The following EYS variants were observed in gnomAD, a reference collection of about 807,000 sequenced individuals.
EYS encodes protein eyes shut homolog.
EYS carries 250 observed loss-of-function variants against 282.1 expected under a neutral mutation model. The observed-to-expected ratio is 0.89, with a 90% confidence interval of 0.80 to 0.98. EYS has a LOEUF of 0.98. EYS is among the 50% of genes least tolerant of loss of function. The pLI is 0.00. For synonymous variants in EYS, 1,355 were observed against 1,282.9 expected (o/e 1.06, Z -1.20); for missense variants, 4,016 against 3,709.0 (o/e 1.08, Z -2.15).
chr6:64,457,466 A>C (rs1034825883), intron 26 of EYS, among the ~76,000 whole-genome samples: 2 of 152,096 alleles, frequency 1.3e-5, no homozygotes, highest in Middle Eastern at 3.4e-3. Context: ...GAGGCACTGA[A>C]ATTGCCTACT....
intron 35 of EYS, among the ~76,000 whole-genome samples, chr6:63,868,748 C>T (rs1772729130): frequency 6.6e-6 from 1 of 152,172 alleles, no homozygotes; most frequent in African/African-American, 2.4e-5. Context: ...TTTCACAACA[C>T]CATGATAAGA....
At chr6:65,654,166 C>T (rs975141705) in intron 1 of EYS, among the ~76,000 whole-genome samples, 2 of 151,794 alleles carry the variant, frequency 1.3e-5, no homozygotes, top group African/African-American at 4.8e-5. Flanking sequence ...TTTATTAGTT[C>T]TCAAAACAAT....
At chr6:64,535,058 A>G (rs1487809954) in intron 26 of EYS, among the ~76,000 whole-genome samples, 2 of 152,116 alleles carry the variant, frequency 1.3e-5, no homozygotes, top group Non-Finnish European at 2.9e-5. Flanking sequence ...GATGCAGCTC[A>G]TTCTACTTAG....
At chr6:63,795,570 A>C (rs1459273076) in intron 37 of EYS, among the ~76,000 whole-genome samples, 4 of 152,226 alleles carry the variant, frequency 2.6e-5, no homozygotes, top group African/African-American at 9.6e-5. Flanking sequence ...TTTTTGTCAC[A>C]AGCCTATAAT....
intron 24 of EYS, among the ~76,000 whole-genome samples, chr6:64,608,607 C>A (rs1473108351): frequency 6.6e-6 from 1 of 152,080 alleles, no homozygotes; most frequent in Non-Finnish European, 1.5e-5. Flanking sequence ...AAAAACTCCA[C>A]AAGAATATTG....
intron 18 of EYS, 55 bp downstream of exon 18, chr6:64,902,058 T>TCA: frequency 8.2e-7 from 1 of 1,215,416 alleles, no homozygotes; most frequent in Non-Finnish European, 1.1e-6. Context: ...TGTGCTCACT[T>TCA]TCTTGTTGAA....
intron 22 of EYS, among the ~76,000 whole-genome samples, chr6:64,748,392 T>C (rs1043984570): frequency 2.6e-5 from 4 of 152,216 alleles, no homozygotes; most frequent in African/African-American, 4.8e-5. Flanking sequence ...ACACCTCAGA[T>C]TGGGCATTAG....
chr6:65,466,059 A>G (rs1012034746), intron 5 of EYS, among the ~76,000 whole-genome samples: 2 of 152,184 alleles, frequency 1.3e-5, no homozygotes, highest in Admixed American at 1.3e-4. Flanking sequence ...TTAATGGGAC[A>G]GAGAATTAGA....
At chr6:64,294,874 T>G (rs1212562537) in intron 30 of EYS, among the ~76,000 whole-genome samples, 1 of 152,128 alleles carries the variant, frequency 6.6e-6, no homozygotes, top group East Asian at 1.9e-4. Flanking sequence ...TTTAATAAAG[T>G]GTATGATGAA....
chr6:63,845,669 T>C (rs1772079714), intron 36 of EYS, among the ~76,000 whole-genome samples: 1 of 149,956 alleles, frequency 6.7e-6, no homozygotes, highest in Non-Finnish European at 1.5e-5. Context: ...AAATGGGTTT[T>C]TGTCTAGGGG....
intron 12 of EYS, among the ~76,000 whole-genome samples, chr6:65,178,385 CTTTGTCTAA>C (rs1262701948): frequency 6.6e-6 from 1 of 152,008 alleles, no homozygotes; most frequent in Admixed American, 6.6e-5. Flanking sequence ...ACCATGACAA[CTTTGTCTAA>C]TTTTGACTGA....
At chr6:65,489,133 TA>T (rs770360153) in intron 5 of EYS, among the ~76,000 whole-genome samples, 8 of 152,160 alleles carry the variant, frequency 5.3e-5, no homozygotes, top group Non-Finnish European at 7.4e-5. Flanking sequence ...AAATGGGATC[TA>T]ACTAAACTAA....
intron 12 of EYS, among the ~76,000 whole-genome samples, chr6:65,261,534 A>T (rs1408317354): frequency 1.3e-5 from 2 of 152,076 alleles, no homozygotes; most frequent in African/African-American, 4.8e-5. Context: ...ATGATTAACA[A>T]AGTGTTATTC....
chr6:64,076,878 A>G (rs1293529316), intron 32 of EYS, among the ~76,000 whole-genome samples: 1 of 151,998 alleles, frequency 6.6e-6, no homozygotes, highest in Non-Finnish European at 1.5e-5. Context: ...CTAATTTAAG[A>G]CATGTCACAA....
At chr6:64,005,970 A>T (rs1217825892) in intron 33 of EYS, among the ~76,000 whole-genome samples, 1 of 152,164 alleles carries the variant, frequency 6.6e-6, no homozygotes, top group Non-Finnish European at 1.5e-5. Context: ...TCGGTTCCAT[A>T]TGAATTTTAA....
intron 5 of EYS, among the ~76,000 whole-genome samples, chr6:65,423,325 CA>C (rs1270934492): frequency 7.2e-5 from 11 of 151,864 alleles, no homozygotes; most frequent in Admixed American, 5.3e-4. Context: ...TTTAAAAATA[CA>C]TGTAATTAAA....
rs943939154 is a variant in EYS at position 64,100,877 on chromosome 6, T to G, written c.6425-18875A>C. Among the ~76,000 whole-genome samples the G allele has an allele frequency of 9.9e-5, 15 of 152,118 alleles. 1 individual carries two copies. The highest frequency in any genetic ancestry group is 3.6e-4 in the African/African-American group (15 of 41,426). ...TTTCTTTTCTGTTAGGCACTCCCCC[T>G]CCTCCACCTGCTCATTGTCATTGAA... is the stretch of plus-strand genomic sequence containing the variant. On this transcript the variant is annotated intron_variant, in intron 31 of 42. Coordinates refer to ENST00000503581, the MANE Select transcript of EYS (RefSeq NM_001142800.2).
At chr6:65,053,298 T>A (rs1177010547) in intron 13 of EYS, among the ~76,000 whole-genome samples, 1 of 151,772 alleles carries the variant, frequency 6.6e-6, no homozygotes, top group Non-Finnish European at 1.5e-5. Context: ...AGGTGCCATA[T>A]CTTACAATTT....
intron 19 of EYS, among the ~76,000 whole-genome samples, chr6:64,862,196 G>A (rs192509857): frequency 6.6e-6 from 1 of 152,140 alleles, no homozygotes; most frequent in South Asian, 2.1e-4. Context: ...TATAGGTGAG[G>A]TGGTCTTTCA....
Sources: gnomAD v4.1 joint callset for allele counts (sites outside exome capture counted in the v4.1 genomes callset) on GRCh38, gnomAD v4.1.1 for gene constraint, MANE v1.5 for transcripts, NCBI Gene and HGNC (gene_info 2026-07-23, HGNC 2026-07-21) for gene names.